DUSP26: variants seen among roughly 807,000 people sequenced by gnomAD.
DUSP26 encodes dual specificity protein phosphatase 26.
Under a neutral mutation model 20.0 loss-of-function variants are expected in DUSP26, and 12 were observed. The ratio of observed to expected loss-of-function variants is 0.60; its 90% confidence interval spans 0.38 to 0.97. DUSP26 has a LOEUF of 0.97. Ranked by LOEUF, DUSP26 falls within the 50% of genes least tolerant of loss-of-function variation. The probability of loss-of-function intolerance (pLI) is 0.00; values close to 1 mark genes in which losing one functional copy is unlikely to be tolerated. For missense variants in DUSP26, 230 were observed against 294.0 expected (o/e 0.78, Z 1.59); for synonymous variants, 120 against 118.8 (o/e 1.01, Z -0.06).
At position 33,592,168 on chromosome 8, in the gene DUSP26, T is replaced by G; in HGVS notation, c.481A>C (p.Thr161Pro). 1 of 1,613,680 alleles carries G rather than the reference T, an allele frequency of 6.2e-7. No homozygotes were observed. Among genetic ancestry groups the G allele is most frequent in the Admixed American group, 1.7e-5 (1 of 59,920 alleles). ...HCAVGVSRSA[T>P]LVLAYLMLYH... The stretch of plus-strand genomic sequence containing the variant: ...AGCATGAGGTAGGCCAGTACCAGGG[T>G]GGCGGATCGGCTCACGCCCACAGCA... Residue 161 changes from threonine (T) to proline (P), a missense_variant, in exon 4 of 4, where the codon ACC becomes CCC. Thr to Pro is a conservative substitution (Grantham distance 38). Transcript: ENST00000256261.
chr8:33,592,230 G>C lies in DUSP26; in HGVS notation c.437-18C>G. ...GATCTTCCCTGAGAGGAGAGACACAGAGAGAGCTTTGAGACTGCTTGTGGC... is the reference window on the plus strand; with the variant it reads ...GATCTTCCCTGAGAGGAGAGACACACAGAGAGCTTTGAGACTGCTTGTGGC... On this transcript the variant is annotated intron_variant, in intron 3 of 3. Coordinates refer to ENST00000256261, the MANE Select transcript of DUSP26 (RefSeq NM_024025.3). 1.3e-6 allele frequency: 2 copies of C among 1,581,122 alleles called. No individual in the cohort carries two copies. The highest frequency in any genetic ancestry group is 1.7e-6 in the Non-Finnish European group (2 of 1,164,006).
chr8:33,594,394 C>T (rs1404186377), intron 2 of DUSP26, among the ~76,000 whole-genome samples: 1 of 151,590 alleles, frequency 6.6e-6, no homozygotes, highest in Non-Finnish European at 1.5e-5. Flanking sequence ...AGATCAAGAC[C>T]ATCATAGCTA....
intron 2 of DUSP26, 123 bp downstream of exon 2, chr8:33,597,172 A>T: frequency 1.1e-6 from 1 of 945,406 alleles, no homozygotes; most frequent in Non-Finnish European, 1.5e-6. Context: ...CATGTGCCCT[A>T]TCCCCTCAAT....
intron 1 of DUSP26, among the ~76,000 whole-genome samples, chr8:33,598,257 T>C (rs971102506): frequency 6.6e-6 from 1 of 152,092 alleles, no homozygotes; most frequent in Non-Finnish European, 1.5e-5. Flanking sequence ...GCTGAATGCA[T>C]GAGCTTATGG....
At chr8:33,597,256 C>T (rs549089171) in intron 2 of DUSP26, 39 bp downstream of exon 2, 6 of 1,553,522 alleles carry the variant, frequency 3.9e-6, no homozygotes, top group South Asian at 3.5e-5. Context: ...CACAAACACA[C>T]ACACGCTCTA....
chr8:33,598,304 A>C (rs1811197716), intron 1 of DUSP26, among the ~76,000 whole-genome samples: 1 of 151,996 alleles, frequency 6.6e-6, no homozygotes, highest in African/African-American at 2.4e-5. Context: ...CAGGCAAACC[A>C]CCCTCCTTGG....
In DUSP26 at chr8:33,593,523, C is replaced by A. The variant is rs1470057380; in HGVS notation, c.436+10G>T. On this transcript the variant is annotated intron_variant, in intron 3 of 3. Transcript: ENST00000256261. ...CCTGTTCTTTCCTGCTCCCAGCATT[C>A]CCCTCCTACCTCCTGGCTGGCTCAG... 6.2e-7 allele frequency: 1 copy of A among 1,608,810 alleles called. No individual in the cohort carries two copies. The highest frequency in any genetic ancestry group is 1.1e-5 in the South Asian group (1 of 90,998).
rs966068283 is a variant in DUSP26 at position 33,591,500 on chromosome 8, G to A, written c.*513C>T. On this transcript the variant is annotated 3_prime_UTR_variant, in exon 4 of 4. Coordinates refer to ENST00000256261, the MANE Select transcript of DUSP26 (RefSeq NM_024025.3). ...CCTCCTCCTGTGCTTGGAGTGGAAAGTCTGTGGGGTTCTCTGTCTGGTTCT... is the reference window on the plus strand; with the variant it reads ...CCTCCTCCTGTGCTTGGAGTGGAAAATCTGTGGGGTTCTCTGTCTGGTTCT... The A allele has an allele frequency of 1.3e-5, 2 of 154,866 alleles. No homozygotes were observed. The highest frequency in any genetic ancestry group is 4.8e-5 in the African/African-American group (2 of 41,472). The allele number at this position is 154,866 out of a possible 1,614,324, so 9.6% of individuals were successfully genotyped here.
At chr8:33,596,529 C>T (rs1265596885) in intron 2 of DUSP26, among the ~76,000 whole-genome samples, 1 of 152,128 alleles carries the variant, frequency 6.6e-6, no homozygotes, top group Non-Finnish European at 1.5e-5. Context: ...TTGCAGAGAA[C>T]CAAGATCGCG....
chr8:33,599,199 A>G (rs986224223), intron 1 of DUSP26, among the ~76,000 whole-genome samples: 1 of 149,978 alleles, frequency 6.7e-6, no homozygotes, highest in Non-Finnish European at 1.5e-5. Context: ...CTTTGCACCC[A>G]GGCCTAAAGA....
At chr8:33,598,129 G>A (rs993925558) in intron 1 of DUSP26, among the ~76,000 whole-genome samples, 5 of 152,050 alleles carry the variant, frequency 3.3e-5, no homozygotes, top group Admixed American at 2.6e-4. Flanking sequence ...TAACCCCTTC[G>A]TGACCTGCCA....
At chr8:33,594,977 C>T (rs553289744) in intron 2 of DUSP26, among the ~76,000 whole-genome samples, 6 of 152,202 alleles carry the variant, frequency 3.9e-5, no homozygotes, top group African/African-American at 1.2e-4. Context: ...CTATCTAGGC[C>T]TCCCAAAGTG....
chr8:33,595,659 G>A (rs1811125696), intron 2 of DUSP26, among the ~76,000 whole-genome samples: 1 of 152,004 alleles, frequency 6.6e-6, no homozygotes, highest in African/African-American at 2.4e-5. Flanking sequence ...GATTACAGAT[G>A]TGAGCCACCA....
chr8:33,596,664 T>A (rs1811154448), intron 2 of DUSP26, among the ~76,000 whole-genome samples: 1 of 151,878 alleles, frequency 6.6e-6, no homozygotes, highest in Non-Finnish European at 1.5e-5. Context: ...GGGAGAGAAG[T>A]GGGGATGGCT....
At chr8:33,595,270 C>T (rs1316638215) in intron 2 of DUSP26, among the ~76,000 whole-genome samples, 1 of 152,122 alleles carries the variant, frequency 6.6e-6, no homozygotes, top group South Asian at 2.1e-4. Flanking sequence ...CCTAACTCCC[C>T]TATGTCTCTA....
chr8:33,599,897 A>G lies in DUSP26; in HGVS notation c.-309T>C, dbSNP rs1811232679. On this transcript the variant is annotated 5_prime_UTR_variant, in exon 1 of 4. Transcript: ENST00000256261. ...CTCACATTCGGTGGCCCGAGTCGCC[A>G]GGCAGCGTGGGCTCCCCAGCCAACC... 6.6e-6 allele frequency: 1 copy of G among 152,180 alleles called. No homozygotes were observed. Among genetic ancestry groups the G allele is most frequent in the Non-Finnish European group, 1.5e-5 (1 of 68,042 alleles). The allele number at this position is 152,180 out of a possible 1,614,324, so 9.4% of individuals were successfully genotyped here. A position where few individuals can be genotyped will look rare whatever the true frequency, so the allele number is the denominator to read the frequency against.
chr8:33,598,702 T>A (rs1464836721), intron 1 of DUSP26, among the ~76,000 whole-genome samples: 1 of 152,152 alleles, frequency 6.6e-6, no homozygotes, highest in Non-Finnish European at 1.5e-5. Context: ...GACCAGCGTT[T>A]GAGGCTTGCC....
intron 1 of DUSP26, 31 bp from the exon 2 acceptor site, chr8:33,597,622 G>A (rs1811179830): frequency 1.1e-6 from 1 of 934,540 alleles, no homozygotes; most frequent in Non-Finnish European, 1.6e-6. Context: ...AGACACACTT[G>A]AGTGAGTCCA....
intron 1 of DUSP26, among the ~76,000 whole-genome samples, chr8:33,598,231 C>T: frequency 6.6e-6 from 1 of 151,854 alleles, no homozygotes; most frequent in East Asian, 1.9e-4. Context: ...AGTAAGTTTG[C>T]AAAAAATAAA....
Sources: gnomAD v4.1 joint callset for allele counts (sites outside exome capture counted in the v4.1 genomes callset) on GRCh38, gnomAD v4.1.1 for gene constraint, MANE v1.5 for transcripts, NCBI Gene and HGNC (gene_info 2026-07-23, HGNC 2026-07-21) for gene names.